RB1: variants seen among roughly 807,000 people sequenced by gnomAD.
RB1 encodes the protein RB transcriptional corepressor 1, also known as retinoblastoma-associated protein.
RB1 carries 18 observed loss-of-function variants against 135.4 expected under a neutral mutation model. The ratio of observed to expected loss-of-function variants is 0.13; its 90% CI spans 0.09 to 0.20. The LOEUF (loss-of-function observed/expected upper bound fraction) is 0.20. Ranked by LOEUF, RB1 falls within the 10% of genes least tolerant of loss-of-function variation. RB1 has a pLI of 1.00. For synonymous variants in RB1, 365 were observed against 373.2 expected, an observed-to-expected ratio of 0.98 and a Z score of 0.25; for missense variants, 868 against 1,110.0, an observed-to-expected ratio of 0.78 and a Z score of 3.10.
intron 23 of RB1, among the ~76,000 whole-genome samples, chr13:48,470,667 G>C (rs1949462622): frequency 5.0e-5 from 1 of 19,918 alleles, no homozygotes; most frequent in Admixed American, 7.0e-4. Context: ...CTACTCATCT[G>C]ACAAAGGGCT....
At chr13:48,317,917 T>C in intron 2 of RB1, 1 of 406,780 alleles carries the variant, frequency 2.5e-6, no homozygotes, top group East Asian at 6.2e-5. Flanking sequence ...GCCCTCTGCC[T>C]GAACTTCTGA....
At position 48,362,950 on chromosome 13, in the gene RB1, T is replaced by C. The variant is rs1168833404; in HGVS notation, c.854T>C (p.Ile285Thr). ...EVLCKEHECN[I>T]DEVKNVYFKN... Reference sequence around the variant, plus strand: ...CTCTGTAAAGAACATGAATGTAATATAGATGAGGTAATTTAACTTCATGAT... The same window carrying C: ...CTCTGTAAAGAACATGAATGTAATACAGATGAGGTAATTTAACTTCATGAT... The change falls in exon 8 of 27, where the codon ATA becomes ACA. Residue 285 changes from isoleucine to threonine, a missense_variant. By Grantham distance (89) the Ile-to-Thr change is moderately conservative (BLOSUM62 -1). Around this residue, in one of 3 missense-constraint regions of RB1, gnomAD observed 641 missense variants for 791.3 expected, o/e 0.81. Coordinates refer to ENST00000267163, the MANE Select transcript of RB1 (RefSeq NM_000321.3). 3.1e-6 allele frequency: 5 copies of C among 1,612,460 alleles called. No individual in the cohort carries two copies. The South Asian group carries it at 3.3e-5, about 11-fold the overall frequency.
intron 17 of RB1, among the ~76,000 whole-genome samples, chr13:48,414,347 A>AG (rs939939507): frequency 5.9e-5 from 9 of 151,866 alleles, no homozygotes; most frequent in Admixed American, 2.0e-4. Context: ...TATCTCAAAA[A>AG]AAAAAAAAAA....
intron 2 of RB1, chr13:48,320,009 T>C: frequency 2.3e-6 from 1 of 439,310 alleles, no homozygotes; most frequent in Non-Finnish European, 4.2e-6. Context: ...CCTGGAAGGC[T>C]GGGCTGCGCC....
At chr13:48,353,503 G>A (rs34188545) in intron 6 of RB1, among the ~76,000 whole-genome samples, 3,295 of 152,106 alleles carry the variant, frequency 0.022, 56 homozygotes, top group Non-Finnish European at 0.036. Flanking sequence ...CTGCTGAATT[G>A]TACCAAACAT....
intron 10 of RB1, among the ~76,000 whole-genome samples, 194 bp downstream of exon 10, chr13:48,367,797 A>G (rs1952718769): frequency 6.6e-6 from 1 of 152,168 alleles, no homozygotes; most frequent in Non-Finnish European, 1.5e-5. Flanking sequence ...TTTAATGTGA[A>G]TTGTGTGTCC....
intron 20 of RB1, among the ~76,000 whole-genome samples, chr13:48,461,754 C>A (rs1949406820): frequency 6.6e-6 from 1 of 151,962 alleles, no homozygotes; most frequent in Non-Finnish European, 1.5e-5. Flanking sequence ...TGGTGAGCAC[C>A]TTTTCATGTG....
At chr13:48,404,028 C>T (rs947100886) in intron 17 of RB1, among the ~76,000 whole-genome samples, 2 of 152,082 alleles carry the variant, frequency 1.3e-5, no homozygotes, top group Non-Finnish European at 2.9e-5. Context: ...AAGCACCTTC[C>T]TCTTTACTAA....
intron 11 of RB1, among the ~76,000 whole-genome samples, 187 bp from the exon 12 acceptor site, chr13:48,373,218 T>C (rs1483882221): frequency 6.6e-6 from 1 of 152,206 alleles, no homozygotes; most frequent in African/African-American, 2.4e-5. Context: ...TGTGAATACA[T>C]ATTTTCTTAA....
intron 17 of RB1, 24 bp downstream of exon 17, chr13:48,381,467 A>C (rs1948535687): frequency 1.1e-5 from 18 of 1,608,452 alleles, no homozygotes; most frequent in Non-Finnish European, 1.1e-5. Flanking sequence ...TAATTGAAGA[A>C]ATTCATTCAT....
At chr13:48,365,220 A>G (rs1004307019) in intron 9 of RB1, among the ~76,000 whole-genome samples, 1 of 152,192 alleles carries the variant, frequency 6.6e-6, no homozygotes, top group African/African-American at 2.4e-5. Flanking sequence ...ATTTTTTCCA[A>G]AATCAAAGTA....
chr13:48,360,018 G>T lies in RB1; in HGVS notation c.609G>T (p.Gly203=), dbSNP rs2138107549. 1.2e-6 allele frequency: 2 copies of T among 1,610,140 alleles called. No homozygotes were observed. Among genetic ancestry groups the T allele is most frequent in the Non-Finnish European group, 8.5e-7 (1 of 1,178,486 alleles). Residue 203 remains glycine (G), a splice_region_variant and synonymous_variant, in exon 7 of 27, where the codon GGG becomes GGT. Transcript: ENST00000267163. ...TAAAAATGTACATTTTTTTTTCAGG[G>T]GAAGTATTACAAATGGAAGATGATC... ...VSWITFLLAK[G]EVLQMEDDLV... is the part of the protein sequence containing the mutation.
chr13:48,359,500 A>T (rs1952619662), intron 6 of RB1, among the ~76,000 whole-genome samples: 1 of 148,170 alleles, frequency 6.7e-6, no homozygotes, highest in East Asian at 2.0e-4. Context: ...GAATTAGAAT[A>T]AATTCTAATA....
chr13:48,466,549 T>C (rs1326547156), intron 23 of RB1, among the ~76,000 whole-genome samples: 1 of 152,102 alleles, frequency 6.6e-6, no homozygotes, highest in Non-Finnish European at 1.5e-5. Flanking sequence ...CGGAACAAAG[T>C]TGGACGGAGA....
chr13:48,419,500 T>C (rs758778683), intron 17 of RB1, among the ~76,000 whole-genome samples: 5 of 151,988 alleles, frequency 3.3e-5, no homozygotes, highest in African/African-American at 4.8e-5. Context: ...AGCAAACTAA[T>C]TCAAAAGCTA....
chr13:48,339,375 G>A (rs198635), intron 2 of RB1, among the ~76,000 whole-genome samples: 1 of 152,196 alleles, frequency 6.6e-6, no homozygotes, highest in African/African-American at 2.4e-5. Flanking sequence ...AGCAATGGCG[G>A]GCGCCCCTCT....
chr13:48,463,893 G>A (rs2138342945), intron 21 of RB1, 58 bp downstream of exon 21: 1 of 1,022,748 alleles, frequency 9.8e-7, no homozygotes. Context: ...ACATAACATA[G>A]GTAATTCATT....
intron 17 of RB1, among the ~76,000 whole-genome samples, chr13:48,427,239 C>T (rs1187496668): frequency 1.4e-4 from 10 of 69,148 alleles, no homozygotes; most frequent in African/African-American, 4.8e-4. Flanking sequence ...CCAAACCTCA[C>T]CTCCAGCATT....
At chr13:48,445,125 G>A (rs1949276052) in intron 17 of RB1, 1 of 152,184 alleles carries the variant, frequency 6.6e-6, no homozygotes, top group Non-Finnish European at 1.5e-5. Flanking sequence ...TAGGAAGTTG[G>A]AAATTGATAG....
Sources: gnomAD v4.1 joint callset for allele counts (sites outside exome capture counted in the v4.1 genomes callset) on GRCh38, gnomAD v4.1.1 for gene constraint, gnomAD v4.1.1 regional missense constraint, MANE v1.5 for transcripts, NCBI Gene and HGNC (gene_info 2026-07-23, HGNC 2026-07-21) for gene names.